PTPRA: variants seen among roughly 807,000 people sequenced by gnomAD.
The protein encoded by PTPRA is protein tyrosine phosphatase receptor type A.
PTPRA carries 25 observed loss-of-function variants against 104.8 expected under a neutral mutation model. The observed-to-expected ratio is 0.24, with a 90% confidence interval of 0.17 to 0.33. PTPRA has a LOEUF of 0.33. PTPRA is among the 10% of genes least tolerant of loss of function. The probability of loss-of-function intolerance (pLI) is 1.00; values close to 1 mark genes in which losing one functional copy is unlikely to be tolerated. For missense variants in PTPRA, 765 were observed against 1,015.3 expected (o/e 0.75, Z 3.35); for synonymous variants, 323 against 368.9 (o/e 0.88, Z 1.43).
At chr20:3,026,898 C>A (rs903400473) in intron 18 of PTPRA, 118 bp downstream of exon 18, 2 of 1,002,338 alleles carry the variant, frequency 2.0e-6, no homozygotes, top group African/African-American at 3.2e-5. Context: ...ATGGCATTGC[C>A]TCTTGTTGCA....
chr20:2,946,885 G>T (rs1412511014), intron 2 of PTPRA, among the ~76,000 whole-genome samples: 10 of 141,472 alleles, frequency 7.1e-5, no homozygotes, highest in African/African-American at 2.5e-4. Context: ...ATAAATAAAA[G>T]AAAGAGTAAA....
intron 1 of PTPRA, among the ~76,000 whole-genome samples, chr20:2,876,677 G>C (rs1036229254): frequency 6.6e-6 from 1 of 152,268 alleles, no homozygotes; most frequent in African/African-American, 2.4e-5. Flanking sequence ...AAAGTTATCT[G>C]AACAATATGC....
rs971863997 is a variant in PTPRA at position 3,037,955 on chromosome 20, C to G, written c.2335-104C>G. The G allele has an allele frequency of 3.1e-6, 3 of 980,392 alleles. No individual in the cohort carries two copies. The Admixed American group carries it at 6.1e-5, about 20-fold the overall frequency. 60.7% of individuals were successfully genotyped at this position (980,392 alleles called of 1,614,324 possible). A position where few individuals can be genotyped will look rare whatever the true frequency, so the allele number is the denominator to read the frequency against. Reference sequence around the variant, plus strand: ...GGTGAAAGTTCAAAAACATTCAGTTCCTCTTGATTTTCCATCTTCAACAAA... The same window carrying G: ...GGTGAAAGTTCAAAAACATTCAGTTGCTCTTGATTTTCCATCTTCAACAAA... On this transcript the variant is annotated intron_variant, in intron 23 of 23. Transcript: ENST00000399903. The surrounding 1 kb of genome is among the most constrained non-coding windows in gnomAD (Gnocchi z 4.3).
rs182086285 is a variant in PTPRA, at chr20:2,934,694, A to G, written c.-50+11409A>G. Among the ~76,000 whole-genome samples the G allele has an allele frequency of 6.3e-3, 714 of 114,004 alleles. 7 individuals are homozygous for G. The highest frequency in any genetic ancestry group is 0.022 in the African/African-American group (657 of 29,290). 74.8% of individuals were successfully genotyped at this position (114,004 alleles called of 152,430 possible). ...CTTTTTTTTTTTTTTTTTTTTTGAG[A>G]TGGAGTCTCGCTCTGTCACCAGGCT... On this transcript the variant is annotated intron_variant, in intron 2 of 23. Coordinates refer to ENST00000399903, the MANE Select transcript of PTPRA (RefSeq NM_001385305.1).
chr20:3,005,171 G>A (rs780791220), intron 10 of PTPRA, 25 bp downstream of exon 10: 70 of 1,539,694 alleles, frequency 4.5e-5, no homozygotes, highest in Non-Finnish European at 5.5e-5. Flanking sequence ...TGTTTCTTGG[G>A]ATGTAACCTG....
chr20:2,947,119 A>G (rs1223592946), intron 2 of PTPRA, among the ~76,000 whole-genome samples: 2 of 152,120 alleles, frequency 1.3e-5, no homozygotes, highest in Non-Finnish European at 2.9e-5. Flanking sequence ...AGGAACTTGG[A>G]CTGTCATTAC....
At chr20:2,903,173 C>T (rs1191004118) in intron 1 of PTPRA, among the ~76,000 whole-genome samples, 1 of 152,214 alleles carries the variant, frequency 6.6e-6, no homozygotes, top group African/African-American at 2.4e-5. Context: ...GTTAAGAATG[C>T]TCAATTGGTA....
chr20:2,949,902 A>G (rs970892023), intron 3 of PTPRA, among the ~76,000 whole-genome samples: 16 of 152,120 alleles, frequency 1.1e-4, no homozygotes, highest in African/African-American at 3.9e-4. Flanking sequence ...TTATGTTAAA[A>G]TATCCTTGTA....
At chr20:3,009,584 C>T (rs934362851) in intron 11 of PTPRA, among the ~76,000 whole-genome samples, 1 of 151,968 alleles carries the variant, frequency 6.6e-6, no homozygotes, top group Non-Finnish European at 1.5e-5. Context: ...TGCTGAAGTT[C>T]CTGTATGTAT....
chr20:3,027,529 G>C (rs1164735870), intron 19 of PTPRA, among the ~76,000 whole-genome samples, 178 bp from the exon 20 acceptor site: 1 of 152,154 alleles, frequency 6.6e-6, no homozygotes, highest in African/African-American at 2.4e-5. Flanking sequence ...CCACTTCCCT[G>C]TCTCTTACAG....
Position 3,007,854 on chromosome 20 carries a change from A to G in PTPRA, c.906+434A>G, listed in dbSNP as rs972511133. Among the ~76,000 whole-genome samples the G allele has an allele frequency of 4.6e-5, 7 of 151,784 alleles. No homozygotes were observed. In the South Asian group the frequency reaches 1.0e-3, roughly 23 times the overall value. ...TGTGTGTGTGTATATATATATATATATGACTATCTGGTTAGCCATATATGA... is the reference window on the plus strand; with the variant it reads ...TGTGTGTGTGTATATATATATATATGTGACTATCTGGTTAGCCATATATGA... On this transcript the variant is annotated intron_variant, in intron 11 of 23. Transcript: ENST00000399903.
intron 1 of PTPRA, among the ~76,000 whole-genome samples, chr20:2,874,499 C>T (rs2089586259): frequency 6.6e-6 from 1 of 152,082 alleles, no homozygotes; most frequent in Non-Finnish European, 1.5e-5. Context: ...TGCAAATCCA[C>T]CCTCTGCAGG....
chr20:2,907,268 C>G (rs1197825649), intron 1 of PTPRA, among the ~76,000 whole-genome samples: 1 of 151,300 alleles, frequency 6.6e-6, no homozygotes, highest in Non-Finnish European at 1.5e-5. Flanking sequence ...TGAAAGCAGT[C>G]TTATTGTTGT....
chr20:2,922,199 A>G (rs1468314521), intron 1 of PTPRA, among the ~76,000 whole-genome samples: 2 of 152,190 alleles, frequency 1.3e-5, no homozygotes, highest in East Asian at 3.8e-4. Context: ...CCTATGAGCT[A>G]TTCAGAAATC....
chr20:2,866,015 TG>T, the PTPRA span: 4 of 599,638 alleles, frequency 6.7e-6, no homozygotes, highest in Non-Finnish European at 1.2e-5. Context: ...GACAGAGCTT[TG>T]GTTTAGGTGA....
chr20:3,034,148 G>C (rs1450778263), intron 20 of PTPRA, among the ~76,000 whole-genome samples: 2 of 152,038 alleles, frequency 1.3e-5, no homozygotes, highest in African/African-American at 2.4e-5. Context: ...GCGCACACTT[G>C]TAGTCCCAGC....
intron 17 of PTPRA, 103 bp from the exon 18 acceptor site, chr20:3,026,584 A>G (rs754206626): frequency 4.8e-6 from 4 of 829,016 alleles, no homozygotes; most frequent in Non-Finnish European, 6.1e-6. Context: ...GAAGAGCAGT[A>G]TGGAGCCAGA....
chr20:2,952,123 A>ACTT (rs1326068732), intron 3 of PTPRA, among the ~76,000 whole-genome samples: 1 of 146,472 alleles, frequency 6.8e-6, no homozygotes, highest in East Asian at 2.1e-4. Flanking sequence ...CATCTCAAAA[A>ACTT]AAGAAAAAAA....
At position 2,923,098 on chromosome 20, in the gene PTPRA, G is replaced by A. The variant is rs560725244; in HGVS notation, c.-128-109G>A. 30 of 353,772 alleles carry A rather than the reference G, an allele frequency of 8.5e-5. No individual in the cohort carries two copies. In the Middle Eastern group the frequency reaches 3.2e-3, roughly 38 times the overall value. The allele number at this position is 353,772 out of a possible 1,614,324, so 21.9% of individuals were successfully genotyped here. ...GTGCCACCCTGCCTGGCTACTTTTTGTGGAGATGGGATTTTGCATGTTGCC... is the reference window on the plus strand; with the variant it reads ...GTGCCACCCTGCCTGGCTACTTTTTATGGAGATGGGATTTTGCATGTTGCC... On this transcript the variant is annotated intron_variant, in intron 1 of 23. Coordinates refer to ENST00000399903, the MANE Select transcript of PTPRA (RefSeq NM_001385305.1).
Sources: allele counts gnomAD v4.1 joint callset (sites outside exome capture counted in the v4.1 genomes callset), GRCh38; gene constraint gnomAD v4.1.1; non-coding constraint Gnocchi (gnomAD v3.1); transcripts MANE v1.5; gene names NCBI Gene and HGNC (gene_info 2026-07-23, HGNC 2026-07-21).